ITIH5: variants seen among roughly 807,000 people sequenced by gnomAD.
ITIH5 encodes inter-alpha-trypsin inhibitor heavy chain 5.
ITIH5 carries 65 observed loss-of-function variants against 77.5 expected under a neutral mutation model. The ratio of observed to expected loss-of-function variants is 0.84; its 90% CI spans 0.69 to 1.03. The LOEUF is 1.03. ITIH5 is among the 50% of genes least tolerant of loss of function. The pLI is 0.00. For missense variants in ITIH5, 1,208 were observed against 1,213.1 expected (o/e 1.00, Z 0.06); for synonymous variants, 525 against 494.3 (o/e 1.06, Z -0.82).
rs554528746 is a variant in ITIH5, at chr10:7,587,654, G to GAT, written c.940-1587_940-1586dup. ...GTCATGAGGATTAAATCAGAATCGA[G>GAT]ATGAAAAGGGCTCTGAGCAGGGCCA... On this transcript the variant is annotated intron_variant, in intron 7 of 13. Transcript: ENST00000397146. Among the ~76,000 whole-genome samples the GAT allele has an allele frequency of 2.0e-3, 300 of 152,342 alleles. 1 individual carries two copies. The highest frequency in any genetic ancestry group is 6.8e-3 in the African/African-American group (282 of 41,582).
At position 7,576,728 on chromosome 10, in the gene ITIH5, C is replaced by A. The variant is rs772430139; in HGVS notation, c.1703G>T (p.Gly568Val). The change falls in exon 10 of 14, where the codon GGG becomes GTG. Residue 568 changes from glycine (G) to valine (V), a missense_variant. Gly to Val is a moderately radical substitution (Grantham distance 109). Coordinates refer to ENST00000397146, the MANE Select transcript of ITIH5 (RefSeq NM_030569.7). ...GAGACGCTCGATGTGGTTGGTGTCC[C>A]CCTCTCCATCGCCTCCAGGCCTGGG... is the stretch of plus-strand genomic sequence containing the variant. ...GSPRPGGDGE[G>V]DTNHIERLWS... The A allele has an allele frequency of 6.2e-7, 1 of 1,613,866 alleles. No individual in the cohort carries two copies. The highest frequency in any genetic ancestry group is 2.2e-5 in the East Asian group (1 of 44,842).
In ITIH5 at chr10:7,618,023, C is replaced by G. The variant is rs563125586; in HGVS notation, c.653-741G>C. 252 of 151,896 alleles carry G rather than the reference C, an allele frequency of 1.7e-3. 3 individuals are homozygous for G. Among genetic ancestry groups the G allele is most frequent in the African/African-American group, 5.4e-3 (223 of 41,422 alleles). The allele number at this position is 151,896 out of a possible 1,614,324, so 9.4% of individuals were successfully genotyped here. A position where few individuals can be genotyped will look rare whatever the true frequency, so the allele number is the denominator to read the frequency against. The stretch of plus-strand genomic sequence containing the variant: ...TTGAGACAGCGTCTCAATCTGTCAC[C>G]CAGAGCGCAATGGTGCAATCACAGC... On this transcript the variant is annotated intron_variant, in intron 5 of 13. Coordinates refer to ENST00000397146, the MANE Select transcript of ITIH5 (RefSeq NM_030569.7).
chr10:7,633,811 C>T lies in ITIH5; in HGVS notation c.652+3417G>A, dbSNP rs529703731. ...AAGATGAAAATGGGTCCGTGGTGGCCGGGCGCGGTGGCTCACGCCTGTAAT... is the reference window on the plus strand; with the variant it reads ...AAGATGAAAATGGGTCCGTGGTGGCTGGGCGCGGTGGCTCACGCCTGTAAT... On this transcript the variant is annotated intron_variant, in intron 5 of 13. Transcript: ENST00000397146. 1.9e-3 allele frequency among the ~76,000 whole-genome samples: 294 copies of T among 152,090 alleles called. 3 individuals are homozygous for T. Among genetic ancestry groups the T allele is most frequent in the African/African-American group, 6.7e-3 (279 of 41,496 alleles).
chr10:7,584,310 C>CTTTTT (rs148774385), intron 8 of ITIH5, among the ~76,000 whole-genome samples: 1 of 127,190 alleles, frequency 7.9e-6, no homozygotes, highest in Non-Finnish European at 1.7e-5. Flanking sequence ...TTTTTTTTTT[C>CTTTTT]TTTTTTTTTT....
intron 7 of ITIH5, among the ~76,000 whole-genome samples, chr10:7,601,761 CA>C (rs1833020412): frequency 6.6e-6 from 1 of 152,206 alleles, no homozygotes; most frequent in Admixed American, 6.5e-5. Flanking sequence ...TAAATCCCCT[CA>C]CCAGAATTTC....
intron 7 of ITIH5, among the ~76,000 whole-genome samples, chr10:7,609,897 G>A (rs955037738): frequency 6.6e-6 from 1 of 151,866 alleles, no homozygotes; most frequent in Non-Finnish European, 1.5e-5. Context: ...TCAGGGAAAG[G>A]AAAGACAAGA....
intron 2 of ITIH5, among the ~76,000 whole-genome samples, chr10:7,645,902 CA>C (rs1834002933): frequency 6.6e-6 from 1 of 152,132 alleles, no homozygotes; most frequent in Non-Finnish European, 1.5e-5. Context: ...AACAGCATGA[CA>C]ACCTGTGGGG....
intron 7 of ITIH5, among the ~76,000 whole-genome samples, chr10:7,605,683 A>C (rs538370632): frequency 2.0e-4 from 31 of 152,322 alleles, no homozygotes; most frequent in African/African-American, 6.0e-4. Context: ...GCCAGCGCTT[A>C]GGAATTTTAC....
At chr10:7,602,858 C>A (rs544878067) in intron 7 of ITIH5, among the ~76,000 whole-genome samples, 1 of 152,152 alleles carries the variant, frequency 6.6e-6, no homozygotes, top group African/African-American at 2.4e-5. Flanking sequence ...ACAGCTCCAT[C>A]GTTCTTCCTT....
At chr10:7,568,551 A>G (rs556818725) in intron 12 of ITIH5, among the ~76,000 whole-genome samples, 2 of 151,774 alleles carry the variant, frequency 1.3e-5, no homozygotes, top group South Asian at 2.1e-4. Context: ...CTCTGAGGCT[A>G]TAAAGTCCCA....
chr10:7,643,959 G>A lies in ITIH5; in HGVS notation c.136-1869C>T, dbSNP rs149180367. 7.0e-3 allele frequency among the ~76,000 whole-genome samples: 1,066 copies of A among 152,246 alleles called. 15 individuals carry two copies. Among genetic ancestry groups the A allele is most frequent in the African/African-American group, 0.024 (993 of 41,542 alleles). ...GGTGGCTACAAATATCAAGTGCACC[G>A]GCTGGGCGCGGTGGCTCACACCTGT... is the stretch of plus-strand genomic sequence containing the variant. On this transcript the variant is annotated intron_variant, in intron 2 of 13. Transcript: ENST00000397146.
chr10:7,605,957 C>T (rs572454215), intron 7 of ITIH5, among the ~76,000 whole-genome samples: 8 of 152,322 alleles, frequency 5.3e-5, no homozygotes, highest in South Asian at 4.1e-4. Context: ...CCACACTTTC[C>T]GATGCTCACA....
intron 5 of ITIH5, among the ~76,000 whole-genome samples, chr10:7,628,753 CAGCGTGTGTCCA>C (rs1445030741): frequency 0.12 from 7,935 of 67,548 alleles, 709 homozygotes; most frequent in Admixed American, 0.29. Flanking sequence ...GTCCATGTTG[CAGCGTGTGTCCA>C]TGTTGTAGCG....
rs556861441 is a variant in ITIH5 at position 7,623,631 on chromosome 10, G to A, written c.653-6349C>T. On this transcript the variant is annotated intron_variant, in intron 5 of 13. Transcript: ENST00000397146. ...ATCCTGGATAACACGGTGAAACCCCGTCTCTACTAAAAATACAAAAAAATA... is the reference window on the plus strand; with the variant it reads ...ATCCTGGATAACACGGTGAAACCCCATCTCTACTAAAAATACAAAAAAATA... 1.7e-4 allele frequency among the ~76,000 whole-genome samples: 26 copies of A among 151,914 alleles called. No homozygotes were observed. In the South Asian group the frequency reaches 4.6e-3, roughly 27 times the overall value.
At chr10:7,663,721 A>T (rs1003897258) in intron 1 of ITIH5, among the ~76,000 whole-genome samples, 3 of 152,224 alleles carry the variant, frequency 2.0e-5, no homozygotes, top group African/African-American at 7.2e-5. Context: ...TATATTGCAG[A>T]TGATGAAACT....
At chr10:7,644,547 TG>T (rs1196138899) in intron 2 of ITIH5, among the ~76,000 whole-genome samples, 2,227 of 111,266 alleles carry the variant, frequency 0.02, 61 homozygotes, top group South Asian at 0.03. Context: ...CACATATATA[TG>T]ATATATCACA....
intron 1 of ITIH5, among the ~76,000 whole-genome samples, chr10:7,665,747 G>C (rs1834351521): frequency 6.6e-6 from 1 of 152,216 alleles, no homozygotes; most frequent in South Asian, 2.1e-4. Context: ...GGCTTGCCCG[G>C]AACACACAAC....
chr10:7,576,574 G>GGT lies in ITIH5; in HGVS notation c.1855_1856dup (p.Ser620ProfsTer3), dbSNP rs1365521938. On this transcript the variant is annotated frameshift_variant, in exon 10 of 14. Transcript: ENST00000397146. LOFTEE classifies it high-confidence loss of function. ...GGACCGGCCCCCTCAGCTTCATGGA[G>GGT]GTGAAGGGAGTGAGGAAGCGGTAGC... The GGT allele has an allele frequency of 6.2e-7, 1 of 1,613,838 alleles. No individual in the cohort carries two copies. The highest frequency in any genetic ancestry group is 8.5e-7 in the Non-Finnish European group (1 of 1,180,032).
intron 5 of ITIH5, among the ~76,000 whole-genome samples, chr10:7,634,724 A>G (rs1226690121): frequency 6.6e-6 from 1 of 152,136 alleles, no homozygotes; most frequent in Admixed American, 6.5e-5. Context: ...AACACATTTC[A>G]TTACTGCAAC....
Sources: gnomAD v4.1 joint callset for allele counts (sites outside exome capture counted in the v4.1 genomes callset) on GRCh38, gnomAD v4.1.1 for gene constraint, MANE v1.5 for transcripts, NCBI Gene and HGNC (gene_info 2026-07-23, HGNC 2026-07-21) for gene names.